RBM17: variants seen among roughly 807,000 people sequenced by gnomAD.
RBM17 encodes the protein RNA binding motif protein 17.
Under a neutral mutation model 53.2 loss-of-function variants are expected in RBM17, and 7 were observed. That is an observed-to-expected ratio of 0.13 (90% confidence interval 0.07 to 0.25). RBM17 has a LOEUF of 0.25. Among genes scored for constraint, RBM17 ranks in the 10% least tolerant of loss-of-function variants. RBM17 has a pLI of 1.00. For missense variants in RBM17, 257 were observed against 496.7 expected (o/e 0.52, Z 4.59); for synonymous variants, 167 against 178.1 (o/e 0.94, Z 0.50).
intron 7 of RBM17, among the ~76,000 whole-genome samples, chr10:6,111,029 C>T (rs1423851127): frequency 6.6e-6 from 1 of 152,224 alleles, no homozygotes; most frequent in African/African-American, 2.4e-5. Flanking sequence ...CCAGGAATTA[C>T]ATCTTTAACT....
rs1840931053 is a variant in RBM17, at chr10:6,117,056, G to GAATGTTAACAAGGACTAGT, written c.*1500_*1501insAATGTTAACAAGGACTAGT. ...TGCTTACAAGTACCGGAGTGTGCTT[G>GAATGTTAACAAGGACTAGT]TTTAATTTTAGAAACTAATGGTTCC... On this transcript the variant is annotated 3_prime_UTR_variant, in exon 12 of 12. Coordinates refer to ENST00000379888, the MANE Select transcript of RBM17 (RefSeq NM_032905.5). 1.5e-5 allele frequency: 1 copy of GAATGTTAACAAGGACTAGT among 68,544 alleles called. No individual in the cohort carries two copies. The highest frequency in any genetic ancestry group is 3.2e-5 in the Non-Finnish European group (1 of 30,900). The allele number at this position is 68,544 out of a possible 1,614,324, so 4.2% of individuals were successfully genotyped here.
At chr10:6,115,183 AC>A (rs1322276922) in intron 10 of RBM17, 55 bp from the exon 11 acceptor site, 3 of 1,357,760 alleles carry the variant, frequency 2.2e-6, no homozygotes, top group Middle Eastern at 4.8e-4. Flanking sequence ...AAAAGAGAAA[AC>A]TCATTCAATG....
At chr10:6,103,714 C>T (rs566450171) in intron 3 of RBM17, among the ~76,000 whole-genome samples, 3 of 152,196 alleles carry the variant, frequency 2.0e-5, no homozygotes, top group East Asian at 1.9e-4. Context: ...GATATTTCGT[C>T]GTAAGGAAAT....
chr10:6,093,009 C>T (rs565120972), intron 1 of RBM17, among the ~76,000 whole-genome samples: 64 of 152,284 alleles, frequency 4.2e-4, no homozygotes, highest in African/African-American at 1.5e-3. Flanking sequence ...CATTAATTCA[C>T]TATTTAATTT....
chr10:6,104,795 T>A, intron 3 of RBM17, 136 bp from the exon 4 acceptor site: 1 of 697,346 alleles, frequency 1.4e-6, no homozygotes, highest in Non-Finnish European at 2.3e-6. Context: ...GTATTTGTTT[T>A]CTTTGTCTTT....
chr10:6,114,063 G>A lies in RBM17; in HGVS notation c.945G>A (p.Ala315=), dbSNP rs376554220. Residue 315 remains alanine, a synonymous_variant, in exon 10 of 12, where the codon GCG becomes GCA. Transcript: ENST00000379888. ...KVVLLRNMVG[A]GEVDEDLEVE... ...TGTGTTTAAAGAACATGGTTGGTGC[G>A]GGAGAGGTGGATGAAGACTTGGAAG... is the stretch of plus-strand genomic sequence containing the variant. The A allele has an allele frequency of 2.5e-5, 40 of 1,612,146 alleles. No homozygotes were observed. The highest frequency in any genetic ancestry group is 1.7e-4 in the African/African-American group (13 of 74,864).
rs1042621881 is a variant in RBM17 at position 6,117,436 on chromosome 10, T to A, written c.*1880T>A. The A allele has an allele frequency of 6.6e-6, 1 of 152,062 alleles. No homozygotes were observed. The highest frequency in any genetic ancestry group is 2.1e-4 in the South Asian group (1 of 4,812). 9.4% of individuals were successfully genotyped at this position (152,062 alleles called of 1,614,324 possible). ...AAATTTCAATAAAAATTAAAAATTATGTAAGCTACAATGTAACTGGCAAGT... is the reference window on the plus strand; with the variant it reads ...AAATTTCAATAAAAATTAAAAATTAAGTAAGCTACAATGTAACTGGCAAGT... On this transcript the variant is annotated 3_prime_UTR_variant, in exon 12 of 12. Coordinates refer to ENST00000379888, the MANE Select transcript of RBM17 (RefSeq NM_032905.5).
chr10:6,108,310 G>A (rs975088586), intron 5 of RBM17, among the ~76,000 whole-genome samples: 1 of 152,094 alleles, frequency 6.6e-6, no homozygotes, highest in African/African-American at 2.4e-5. Flanking sequence ...AAGCCTGAAC[G>A]AGGCCATGTG....
chr10:6,103,715 G>A (rs1308253961), intron 3 of RBM17, among the ~76,000 whole-genome samples: 4 of 152,080 alleles, frequency 2.6e-5, no homozygotes, highest in African/African-American at 4.8e-5. Context: ...ATATTTCGTC[G>A]TAAGGAAATG....
Position 6,110,045 on chromosome 10 carries a change from G to A in RBM17, c.622G>A (p.Ala208Thr). ...SRPRSQSSKA[A>T]IPPPVYEEQD... ...ACCTCGATCACAGTCTTCCAAAGCA[G>A]CCATTCCTCCCCCAGTGTACGAGGA... Residue 208 changes from alanine (A) to threonine (T), a missense_variant, in exon 7 of 12, where the codon GCC (alanine) becomes ACC (threonine). By Grantham distance (58) the Ala-to-Thr change is moderately conservative. Coordinates refer to ENST00000379888, the MANE Select transcript of RBM17 (RefSeq NM_032905.5). 1.9e-6 allele frequency: 3 copies of A among 1,613,350 alleles called. No individual in the cohort carries two copies. The South Asian group carries it at 3.3e-5, about 18-fold the overall frequency.
In RBM17 at chr10:6,112,975, T is replaced by A. The variant is rs537701155; in HGVS notation, c.857-533T>A. On this transcript the variant is annotated intron_variant, in intron 8 of 11. Transcript: ENST00000379888. The surrounding 1 kb of genome is among the most constrained non-coding windows in gnomAD (Gnocchi z 4.4). ...TTTTAATCAGGGAATTAAGTTTGAG[T>A]CAGCCTAGCTGAACTTCCTTTGCTA... is the stretch of plus-strand genomic sequence containing the variant. 1.2e-5 allele frequency: 2 copies of A among 167,594 alleles called. No homozygotes were observed. Among genetic ancestry groups the A allele is most frequent in the Non-Finnish European group, 2.6e-5 (2 of 75,910 alleles). 10.4% of individuals were successfully genotyped at this position (167,594 alleles called of 1,614,324 possible).
At chr10:6,094,931 T>G (rs1045545053) in intron 1 of RBM17, among the ~76,000 whole-genome samples, 31 of 152,184 alleles carry the variant, frequency 2.0e-4, no homozygotes, top group African/African-American at 7.5e-4. Context: ...AGTCTGGGGA[T>G]AGAGCAGTGA....
chr10:6,090,163 G>C lies in RBM17; in HGVS notation c.-19+970G>C, dbSNP rs573190455. Among the ~76,000 whole-genome samples, 5 of 152,278 alleles carry C rather than the reference G, an allele frequency of 3.3e-5. No homozygotes were observed. In the East Asian group the frequency reaches 9.6e-4, roughly 29 times the overall value. The stretch of plus-strand genomic sequence containing the variant: ...TGGAGGTTTCTTGAGAAGCAGTAAA[G>C]AAGCGCCATTGAGGGTCCTTATTTT... On this transcript the variant is annotated intron_variant, in intron 1 of 11. Coordinates refer to ENST00000379888, the MANE Select transcript of RBM17 (RefSeq NM_032905.5).
chr10:6,104,365 C>T (rs1840715180), intron 3 of RBM17, among the ~76,000 whole-genome samples: 1 of 152,186 alleles, frequency 6.6e-6, no homozygotes, highest in South Asian at 2.1e-4. Flanking sequence ...AGGGACATTA[C>T]ATCCCCTTGT....
intron 2 of RBM17, among the ~76,000 whole-genome samples, chr10:6,097,672 A>AAAAC (rs374129433): frequency 0.026 from 4,034 of 152,316 alleles, 109 homozygotes; most frequent in South Asian, 0.11. Context: ...CTCCGATTCA[A>AAAAC]AAACAAACAA....
chr10:6,099,979 A>G (rs7902931), intron 2 of RBM17, among the ~76,000 whole-genome samples: 74,857 of 151,884 alleles, frequency 0.49, 18,935 homozygotes, highest in Middle Eastern at 0.6. Flanking sequence ...AGTTGCTTCA[A>G]CCTGGGAGGC....
At position 6,097,124 on chromosome 10, in the gene RBM17, C is replaced by A; in HGVS notation, c.59C>A (p.Ser20Tyr). Residue 20 changes from serine to tyrosine, a missense_variant, in exon 2 of 12, where the codon TCC (serine) becomes TAC (tyrosine). This residue lies in a region of RBM17 where 127 missense variants were observed against 217.2 expected (regional missense o/e 0.58). Transcript: ENST00000379888. ...AGTGACTCAAAAACAGAAGGCTGGT[C>A]CAAAAACTTCAAACTTCTGCAGTCT... ...ETSDSKTEGW[S>Y]KNFKLLQSQL... The A allele has an allele frequency of 6.2e-7, 1 of 1,613,938 alleles. No individual in the cohort carries two copies. The highest frequency in any genetic ancestry group is 1.1e-5 in the South Asian group (1 of 91,056).
intron 1 of RBM17, among the ~76,000 whole-genome samples, chr10:6,091,171 G>C (rs1448859948): frequency 6.6e-6 from 1 of 151,568 alleles, no homozygotes; most frequent in Non-Finnish European, 1.5e-5. Context: ...TGGTTCTCTG[G>C]CCTCAACCTC....
At position 6,109,867 on chromosome 10, in the gene RBM17, C is replaced by G. The variant is rs538471329; in HGVS notation, c.563-119C>G. ...TGTAAAATTGATTTGGTGTTTTTCTCTCCTTGTGGTAAACCAAAAAGTAGG... is the reference window on the plus strand; with the variant it reads ...TGTAAAATTGATTTGGTGTTTTTCTGTCCTTGTGGTAAACCAAAAAGTAGG... On this transcript the variant is annotated intron_variant, in intron 6 of 11. Coordinates refer to ENST00000379888, the MANE Select transcript of RBM17 (RefSeq NM_032905.5). 24 of 781,218 alleles carry G rather than the reference C, an allele frequency of 3.1e-5. No homozygotes were observed. The African/African-American group carries it at 3.3e-4, about 11-fold the overall frequency. The allele number at this position is 781,218 out of a possible 1,614,324, so 48.4% of individuals were successfully genotyped here. A position where few individuals can be genotyped will look rare whatever the true frequency, so the allele number is the denominator to read the frequency against.
Sources: gnomAD v4.1 joint callset for allele counts (sites outside exome capture counted in the v4.1 genomes callset) on GRCh38, gnomAD v4.1.1 for gene constraint, gnomAD v4.1.1 regional missense constraint, Gnocchi (gnomAD v3.1) non-coding constraint, MANE v1.5 for transcripts, NCBI Gene and HGNC (gene_info 2026-07-23, HGNC 2026-07-21) for gene names.